The following PCDHGA4 variants were observed in gnomAD, a reference collection of about 807,000 sequenced individuals.
The protein encoded by PCDHGA4 is protocadherin gamma-A4.
PCDHGA4 carries 38 observed loss-of-function variants against 54.6 expected under a neutral mutation model. The observed-to-expected ratio is 0.70, with a 90% CI of 0.54 to 0.91. The LOEUF (loss-of-function observed/expected upper bound fraction) is 0.91, where lower values mean the gene tolerates loss of function less well. PCDHGA4 is among the 40% of genes least tolerant of loss of function. The pLI, the probability that PCDHGA4 is intolerant of heterozygous loss-of-function variation, is 0.00. For synonymous variants in PCDHGA4, 511 were observed against 512.9 expected, an observed-to-expected ratio of 1.00 and a Z score of 0.05; for missense variants, 1,298 against 1,220.9, an observed-to-expected ratio of 1.06 and a Z score of -0.94.
At chr5:141,383,565 A>G (rs1306554654) in intron 1 of PCDHGA4, 5 of 1,613,204 alleles carry the variant, frequency 3.1e-6, no homozygotes, top group Non-Finnish European at 4.2e-6. Flanking sequence ...ACCCGCCCCG[A>G]TCCAGCACCG....
intron 1 of PCDHGA4, among the ~76,000 whole-genome samples, chr5:141,468,178 T>G (rs1033546956): frequency 1.3e-5 from 2 of 151,580 alleles, no homozygotes; most frequent in African/African-American, 4.8e-5. Context: ...TAGAAAAATT[T>G]GCTGGGCATG....
intron 1 of PCDHGA4, chr5:141,375,613 C>T (rs770657408): frequency 1.2e-6 from 2 of 1,614,226 alleles, no homozygotes; most frequent in Non-Finnish European, 1.7e-6. Context: ...TCAACTCCGA[C>T]ACTGGGATTC....
chr5:141,367,183 G>A lies in PCDHGA4; in HGVS notation c.2514+9562G>A, dbSNP rs190214885. On this transcript the variant is annotated intron_variant, in intron 1 of 3. Coordinates refer to ENST00000571252, the MANE Select transcript of PCDHGA4 (RefSeq NM_018917.4). Reference sequence around the variant, plus strand: ...TTAGTCTACCTGAAATTTGTTTAAGGAAATAATTTACAGTATTTACATAAA... The same window carrying A: ...TTAGTCTACCTGAAATTTGTTTAAGAAAATAATTTACAGTATTTACATAAA... 1.5e-3 allele frequency: 236 copies of A among 158,878 alleles called. 2 individuals carry two copies. The Middle Eastern group carries it at 0.027, about 18-fold the overall frequency. The allele number at this position is 158,878 out of a possible 1,614,324, so 9.8% of individuals were successfully genotyped here.
intron 1 of PCDHGA4, chr5:141,362,266 A>G (rs1180216273): frequency 1.2e-6 from 2 of 1,613,342 alleles, no homozygotes; most frequent in Non-Finnish European, 1.7e-6. Context: ...GATTCTGGCA[A>G]TCTCCCTGCG....
chr5:141,402,789 T>C (rs1047869740), intron 1 of PCDHGA4: 2 of 952,520 alleles, frequency 2.1e-6, no homozygotes, highest in South Asian at 4.2e-5. Context: ...GTTCTGCGGC[T>C]ACACAAAACC....
chr5:141,419,769 C>T (rs773303779), intron 1 of PCDHGA4: 6 of 1,613,888 alleles, frequency 3.7e-6, no homozygotes, highest in Non-Finnish European at 4.2e-6. Context: ...GACAAGGACT[C>T]GGTCCGCCAG....
At chr5:141,417,626 T>G in intron 1 of PCDHGA4, 2 of 689,576 alleles carry the variant, frequency 2.9e-6, no homozygotes, top group East Asian at 2.9e-5. Flanking sequence ...GAGCAAGCGC[T>G]GACGCCGGGG....
At chr5:141,394,455 C>T in intron 1 of PCDHGA4, 1 of 1,614,268 alleles carries the variant, frequency 6.2e-7, no homozygotes, top group Non-Finnish European at 8.5e-7. Flanking sequence ...CAACATGTCA[C>T]TGAGCCTGTT....
chr5:141,358,709 G>A (rs970952613), intron 1 of PCDHGA4, among the ~76,000 whole-genome samples: 1 of 152,222 alleles, frequency 6.6e-6, no homozygotes, highest in African/African-American at 2.4e-5. Context: ...AGACTTTCTT[G>A]ATTTCCAAGG....
At chr5:141,374,714 G>A (rs1236113306) in intron 1 of PCDHGA4, 1 of 1,609,850 alleles carries the variant, frequency 6.2e-7, no homozygotes, top group Middle Eastern at 1.7e-4. Flanking sequence ...TTACCGCCTG[G>A]TCCTTACTGC....
chr5:141,453,111 G>A (rs1040339344), intron 1 of PCDHGA4, among the ~76,000 whole-genome samples: 5 of 151,718 alleles, frequency 3.3e-5, no homozygotes, highest in Non-Finnish European at 5.9e-5. Flanking sequence ...TTTTTGTTTT[G>A]TTTTGTTTTG....
rs1243958567 is a variant in PCDHGA4, at chr5:141,418,557, T to C, written c.2514+60936T>C. 4.3e-6 allele frequency: 7 copies of C among 1,613,860 alleles called. No homozygotes were observed. The East Asian group carries it at 1.6e-4, about 36-fold the overall frequency. On this transcript the variant is annotated intron_variant, in intron 1 of 3. Coordinates refer to ENST00000571252, the MANE Select transcript of PCDHGA4 (RefSeq NM_018917.4). ...ACTGCTCAGATAAGAATCCTGGTAA[T>C]AGATGCCAATGACAACCCCCCAGTG... is the stretch of plus-strand genomic sequence containing the variant.
intron 1 of PCDHGA4, chr5:141,410,442 C>T (rs1444532577): frequency 6.2e-7 from 1 of 1,613,942 alleles, no homozygotes; most frequent in East Asian, 2.2e-5. Context: ...AGTGAGGGGA[C>T]TTTGCCTTAT....
At chr5:141,383,770 A>T (rs776707003) in intron 1 of PCDHGA4, 11 of 1,613,890 alleles carry the variant, frequency 6.8e-6, no homozygotes, top group Non-Finnish European at 8.5e-6. Flanking sequence ...ACTTCCAAAG[A>T]TGTTTCATCT....
intron 1 of PCDHGA4, among the ~76,000 whole-genome samples, chr5:141,359,677 A>G (rs1169406824): frequency 6.6e-6 from 1 of 152,110 alleles, no homozygotes; most frequent in Non-Finnish European, 1.5e-5. Flanking sequence ...CCGTTGCCCT[A>G]TACAAGACAT....
chr5:141,491,648 T>C lies in PCDHGA4; in HGVS notation c.2515-3159T>C. ...GTTCAGCAGCCCACAGCTCTGGCGC[T>C]GGAGCCTGACGCCATCCGGTCCCGC... On this transcript the variant is annotated intron_variant, in intron 1 of 3. Transcript: ENST00000571252. The surrounding 1 kb of genome is among the most constrained non-coding windows in gnomAD (Gnocchi z 6.9). 2 of 1,613,834 alleles carry C rather than the reference T, an allele frequency of 1.2e-6. No individual in the cohort carries two copies. Among genetic ancestry groups the C allele is most frequent in the South Asian group, 1.1e-5 (1 of 91,082 alleles).
At position 141,366,680 on chromosome 5, in the gene PCDHGA4, A is replaced by T. The variant is rs747876337; in HGVS notation, c.2514+9059A>T. Reference sequence around the variant, plus strand: ...CGCAGACACGCTCCTTAGTGAAGAGAGCTGTGAGAAAAGCGAGCCTCTTCT... The same window carrying T: ...CGCAGACACGCTCCTTAGTGAAGAGTGCTGTGAGAAAAGCGAGCCTCTTCT... On this transcript the variant is annotated intron_variant, in intron 1 of 3. Transcript: ENST00000571252. 1.3e-5 allele frequency: 21 copies of T among 1,614,096 alleles called. No individual in the cohort carries two copies. The East Asian group carries it at 4.2e-4, about 33-fold the overall frequency.
Position 141,489,276 on chromosome 5 carries a change from A to G in PCDHGA4, c.2515-5531A>G. 6.4e-7 allele frequency: 1 copy of G among 1,556,122 alleles called. No homozygotes were observed. Among genetic ancestry groups the G allele is most frequent in the Non-Finnish European group, 8.7e-7 (1 of 1,151,562 alleles). On this transcript the variant is annotated intron_variant, in intron 1 of 3. Coordinates refer to ENST00000571252, the MANE Select transcript of PCDHGA4 (RefSeq NM_018917.4). The surrounding 1 kb of genome is among the most constrained non-coding windows in gnomAD (Gnocchi z 4.5). ...AGACACTCCCACAGCTCGCTGGGAA[A>G]TGGCAAGTGCTGTGCATGTTGTCCT...
rs1287277950 is a variant in PCDHGA4 at position 141,384,488 on chromosome 5, T to C, written c.2514+26867T>C. The C allele has an allele frequency of 2.5e-6, 4 of 1,614,104 alleles. No individual in the cohort carries two copies. In the East Asian group the frequency reaches 8.9e-5, roughly 36 times the overall value. The stretch of plus-strand genomic sequence containing the variant: ...TATGAGCAGTTGAGAGAACTACAAC[T>C]AAGAGTGACTGCACATGACAGCGGG... On this transcript the variant is annotated intron_variant, in intron 1 of 3. Transcript: ENST00000571252.
Sources: gnomAD v4.1 joint callset for allele counts (sites outside exome capture counted in the v4.1 genomes callset) on GRCh38, gnomAD v4.1.1 for gene constraint, Gnocchi (gnomAD v3.1) non-coding constraint, MANE v1.5 for transcripts, NCBI Gene and HGNC (gene_info 2026-07-23, HGNC 2026-07-21) for gene names.